The following SYNE2 variants were observed in gnomAD, a reference collection of about 807,000 sequenced individuals.
SYNE2 encodes spectrin repeat containing nuclear envelope protein 2.
A neutral mutation model predicts 856.3 loss-of-function variants in SYNE2; 431 were observed. The ratio of observed to expected loss-of-function variants is 0.50; its 90% confidence interval spans 0.47 to 0.55. The LOEUF is 0.55. Among genes scored for constraint, SYNE2 ranks in the 20% least tolerant of loss-of-function variants. The pLI is 0.00. For missense variants in SYNE2, 8,129 were observed against 8,023.2 expected, an observed-to-expected ratio of 1.01 and a Z score of -0.50; for synonymous variants, 2,923 against 2,872.3, an observed-to-expected ratio of 1.02 and a Z score of -0.56.
At chr14:63,869,768 G>A (rs781245516) in intron 1 of SYNE2, among the ~76,000 whole-genome samples, 1 of 151,848 alleles carries the variant, frequency 6.6e-6, no homozygotes, top group African/African-American at 2.4e-5. Context: ...TCCAACTGCC[G>A]GATAGATCTC....
intron 44 of SYNE2, among the ~76,000 whole-genome samples, 173 bp from the exon 45 acceptor site, chr14:64,030,843 G>A (rs749067171): frequency 5.9e-5 from 9 of 152,144 alleles, no homozygotes; most frequent in Non-Finnish European, 1.3e-4. Flanking sequence ...TTGAGAATTT[G>A]ATCCAAGATG....
Position 63,998,972 on chromosome 14 carries a change from A to G in SYNE2, c.3412A>G (p.Thr1138Ala). Reference sequence around the variant, plus strand: ...CCTGCAAAACAACAAATTCAGGATTACTTCTGATTTCTCTAGTGAAGAGGA... The same window carrying G: ...CCTGCAAAACAACAAATTCAGGATTGCTTCTGATTTCTCTAGTGAAGAGGA... ...HHLQNNKFRI[T>A]SDFSSEEDRS... Residue 1138 changes from threonine to alanine, a missense_variant, in exon 27 of 116, where the codon ACT (threonine) becomes GCT (alanine). By Grantham distance (58) the Thr-to-Ala change is moderately conservative (BLOSUM62 0). Coordinates refer to ENST00000555002, the MANE Select transcript of SYNE2 (RefSeq NM_182914.3). The G allele has an allele frequency of 6.2e-7, 1 of 1,614,076 alleles. No individual in the cohort carries two copies. Among genetic ancestry groups the G allele is most frequent in the Non-Finnish European group, 8.5e-7 (1 of 1,179,924 alleles).
chr14:64,219,936 C>T (rs1421754491), intron 110 of SYNE2, among the ~76,000 whole-genome samples: 1 of 152,198 alleles, frequency 6.6e-6, no homozygotes, highest in Non-Finnish European at 1.5e-5. Flanking sequence ...TGCAAAGGGA[C>T]AGTTTGAGCC....
chr14:63,766,571 G>C (rs539800957), intron 1 of SYNE2, among the ~76,000 whole-genome samples: 1 of 152,198 alleles, frequency 6.6e-6, no homozygotes, highest in Admixed American at 6.5e-5. Flanking sequence ...GCAGGGAGCT[G>C]TGCAATGTGA....
chr14:64,137,846 C>T lies in SYNE2; in HGVS notation c.14706C>T (p.Gly4902=), dbSNP rs1372170777. Residue 4902 remains glycine (G), a synonymous_variant, in exon 79 of 116, where the codon GGC becomes GGT. Transcript: ENST00000555002. Reference sequence around the variant, plus strand: ...GGCTTTACCAAACTCTGAACGAAGGCAAACAGTTGGTGGCGTCTGTGAGCT... The same window carrying T: ...GGCTTTACCAAACTCTGAACGAAGGTAAACAGTTGGTGGCGTCTGTGAGCT... The part of the protein sequence containing the change: ...HARLYQTLNE[G]KQLVASVSCP... 4.3e-6 allele frequency: 7 copies of T among 1,614,054 alleles called. No homozygotes were observed. The highest frequency in any genetic ancestry group is 5.9e-6 in the Non-Finnish European group (7 of 1,180,046).
At chr14:63,953,523 TAGATAGATAGAGAGAGAGAG>T (rs1294602587) in intron 7 of SYNE2, among the ~76,000 whole-genome samples, 1 of 66,312 alleles carries the variant, frequency 1.5e-5, no homozygotes, top group Non-Finnish European at 3.4e-5. Flanking sequence ...GATTGATAAA[TAGATAGATAGAGAGAGAGAG>T]AGATAGATAG....
At chr14:64,196,774 A>G (rs2098542453) in intron 99 of SYNE2, 1 of 152,268 alleles carries the variant, frequency 6.6e-6, no homozygotes, top group Non-Finnish European at 1.5e-5. Flanking sequence ...CAGCGTTGCA[A>G]TCCTGTAGCG....
intron 109 of SYNE2, 131 bp downstream of exon 109, chr14:64,218,643 CA>C: frequency 1.2e-6 from 1 of 839,282 alleles, no homozygotes; most frequent in East Asian, 2.7e-5. Context: ...CTACAACAAC[CA>C]ATGTTATTTT....
chr14:64,226,205 AGCTGGAGCTTTT>A lies in SYNE2; in HGVS notation c.*681_*692del, dbSNP rs2098717620. 6.5e-6 allele frequency: 1 copy of A among 152,764 alleles called. No homozygotes were observed. The highest frequency in any genetic ancestry group is 2.1e-4 in the South Asian group (1 of 4,830). The allele number at this position is 152,764 out of a possible 1,614,324, so 9.5% of individuals were successfully genotyped here. On this transcript the variant is annotated 3_prime_UTR_variant, in exon 116 of 116. Transcript: ENST00000555002. ...TTTTTTTTTAAAAAAATTAGATTTT[AGCTGGAGCTTTT>A]GACTAATGTAAAGTAAATGCCAAAC...
At chr14:63,814,150 A>G (rs1006426237) in intron 1 of SYNE2, among the ~76,000 whole-genome samples, 8 of 150,826 alleles carry the variant, frequency 5.3e-5, no homozygotes, top group Non-Finnish European at 1.2e-4. Context: ...GGCACCTGTA[A>G]TCCCAGCTAC....
At chr14:64,198,205 C>T (rs533253328) in intron 99 of SYNE2, among the ~76,000 whole-genome samples, 40 of 152,336 alleles carry the variant, frequency 2.6e-4, no homozygotes, top group Non-Finnish European at 3.5e-4. Flanking sequence ...ATGGTGGCCA[C>T]GGCAGCAAAG....
chr14:63,865,634 C>T (rs1894987535), intron 1 of SYNE2, among the ~76,000 whole-genome samples: 1 of 150,480 alleles, frequency 6.6e-6, no homozygotes, highest in African/African-American at 2.4e-5. Flanking sequence ...ATCACGTGAA[C>T]CCAGGAGGTG....
At chr14:63,884,312 TAAGAA>T (rs1371520847) in intron 1 of SYNE2, among the ~76,000 whole-genome samples, 4 of 152,212 alleles carry the variant, frequency 2.6e-5, no homozygotes, top group Admixed American at 6.5e-5. Flanking sequence ...ACAGAAAAAC[TAAGAA>T]AAGAGTAAAG....
chr14:64,009,914 A>G, intron 31 of SYNE2, 52 bp from the exon 32 acceptor site: 1 of 1,515,020 alleles, frequency 6.6e-7, no homozygotes, highest in Non-Finnish European at 9.1e-7. Context: ...AAGAGAAAGA[A>G]CGGTTTTGCT....
chr14:64,191,804 T>TGG lies in SYNE2; in HGVS notation c.18038+1568_18038+1569dup, dbSNP rs1161012748. On this transcript the variant is annotated intron_variant, in intron 99 of 115. Coordinates refer to ENST00000555002, the MANE Select transcript of SYNE2 (RefSeq NM_182914.3). ...AAAACAAACCTACAGAAATGCATGA[T>TGG]GGAAACCTAAGTAAGGATTAAGAGC... 2.0e-5 allele frequency among the ~76,000 whole-genome samples: 3 copies of TGG among 152,238 alleles called. No individual in the cohort carries two copies. The East Asian group carries it at 5.8e-4, about 29-fold the overall frequency.
At chr14:63,913,309 T>C (rs1449499935) in intron 2 of SYNE2, among the ~76,000 whole-genome samples, 1 of 152,056 alleles carries the variant, frequency 6.6e-6, no homozygotes, top group Non-Finnish European at 1.5e-5. Context: ...ACTGTTTGAA[T>C]GGTTAGGAAG....
chr14:64,132,251 T>G lies in SYNE2; in HGVS notation c.14341-14T>G, dbSNP rs1175725337. 1 of 1,612,612 alleles carries G rather than the reference T, an allele frequency of 6.2e-7. No homozygotes were observed. The highest frequency in any genetic ancestry group is 8.5e-7 in the Non-Finnish European group (1 of 1,179,982). ...AATTTCAAAGTAAATATTAAAACTT[T>G]CTCCATCTCATAGGTTTTTTTCCAG... is the stretch of plus-strand genomic sequence containing the variant. On this transcript the variant is annotated splice_polypyrimidine_tract_variant and intron_variant, in intron 76 of 115. Transcript: ENST00000555002.
At chr14:63,853,794 G>A (rs1405789686) in intron 1 of SYNE2, among the ~76,000 whole-genome samples, 5 of 152,018 alleles carry the variant, frequency 3.3e-5, no homozygotes, top group Admixed American at 6.5e-5. Context: ...GGGCGGGGGG[G>A]CGCTCCGACG....
At chr14:64,147,609 A>G (rs1020690679) in intron 84 of SYNE2, among the ~76,000 whole-genome samples, 1 of 152,234 alleles carries the variant, frequency 6.6e-6, no homozygotes, top group Non-Finnish European at 1.5e-5. Flanking sequence ...TGTAAATAAA[A>G]TAAATTCCAG....
Sources: gnomAD v4.1 joint callset for allele counts (sites outside exome capture counted in the v4.1 genomes callset) on GRCh38, gnomAD v4.1.1 for gene constraint, MANE v1.5 for transcripts, NCBI Gene and HGNC (gene_info 2026-07-23, HGNC 2026-07-21) for gene names.